The following POLG variants were observed in gnomAD, a reference collection of about 807,000 sequenced individuals.
POLG encodes DNA polymerase gamma, catalytic subunit, also known as DNA polymerase subunit gamma-1.
A neutral mutation model predicts 155.4 loss-of-function variants in POLG; 110 were observed. That is an observed-to-expected ratio of 0.71 (90% CI 0.61 to 0.83). POLG has a LOEUF of 0.83. Among genes scored for constraint, POLG ranks in the 40% least tolerant of loss-of-function variants. The pLI is 0.00. For missense variants in POLG, 1,685 were observed against 1,627.5 expected (o/e 1.04, Z -0.61); for synonymous variants, 701 against 631.5 (o/e 1.11, Z -1.65).
chr15:89,318,785 A>G, intron 20 of POLG, 36 bp from the exon 21 acceptor site: 1 of 1,584,234 alleles, frequency 6.3e-7, no homozygotes, highest in Non-Finnish European at 8.7e-7. Context: ...GAAAGGGGCT[A>G]TGCTACATAC....
chr15:89,333,069 T>G (rs1432100719), intron 2 of POLG, 27 bp downstream of exon 2: 2 of 1,504,274 alleles, frequency 1.3e-6, no homozygotes, highest in Non-Finnish European at 1.8e-6. Flanking sequence ...CATGCCTGCT[T>G]ATGTCCCCAA....
At chr15:89,317,206 A>T in intron 22 of POLG, 170 bp downstream of exon 22, 1 of 654,924 alleles carries the variant, frequency 1.5e-6, no homozygotes, top group Non-Finnish European at 2.7e-6. Flanking sequence ...CTGAAACATC[A>T]TATCACATTC....
Position 89,333,552 on chromosome 15 carries a change from T to G in POLG, c.203A>C (p.Gln68Pro), listed in dbSNP as rs1171419088. ...GATGTCCAATGGGTTGTGCCGCAGC[T>G]GCCCGCCCTCCGAGGATAGCACTTG... Reference protein sequence around the residue: ...QPQVLSSEGGQLRHNPLDIQM... With the variant: ...QPQVLSSEGGPLRHNPLDIQM... Residue 68 changes from glutamine (Q) to proline (P), a missense_variant, in exon 2 of 23, where the codon CAG (glutamine) becomes CCG (proline). Around this residue, in one of 3 missense-constraint regions of POLG, gnomAD observed 1,210 missense variants for 1,167.1 expected, o/e 1.04. Coordinates refer to ENST00000268124, the MANE Select transcript of POLG (RefSeq NM_002693.3). 1 of 1,612,178 alleles carries G rather than the reference T, an allele frequency of 6.2e-7. No individual in the cohort carries two copies. Among genetic ancestry groups the G allele is most frequent in the Non-Finnish European group, 8.5e-7 (1 of 1,179,380 alleles).
Position 89,322,088 on chromosome 15 carries a change from C to T in POLG, c.2427-73G>A. On this transcript the variant is annotated intron_variant, in intron 14 of 22. Transcript: ENST00000268124. ...ATCTATCCCACATCCCACCATGGCC[C>T]TCACCTGCCCACCTCCAGGACTGCT... is the stretch of plus-strand genomic sequence containing the variant. 1.3e-5 allele frequency: 18 copies of T among 1,370,326 alleles called. No homozygotes were observed. In the South Asian group the frequency reaches 1.9e-4, roughly 14 times the overall value. 84.9% of individuals were successfully genotyped at this position (1,370,326 alleles called of 1,614,324 possible).
At position 89,320,650 on chromosome 15, in the gene POLG, G is replaced by A. The variant is rs3176214; in HGVS notation, c.2981+116C>T. 11,313 of 1,167,048 alleles carry A rather than the reference G, an allele frequency of 9.7e-3. 413 individuals are homozygous for A. In the African/African-American group the frequency reaches 0.1, roughly 11 times the overall value. 72.3% of individuals were successfully genotyped at this position (1,167,048 alleles called of 1,614,324 possible). A position where few individuals can be genotyped will look rare whatever the true frequency, so the allele number is the denominator to read the frequency against. On this transcript the variant is annotated intron_variant, in intron 18 of 22. Transcript: ENST00000268124. ...CAGGTTACACAGGTGTGGAAGGAGA[G>A]GGGCTAGGTGAGAGTTCAAGTAATG... is the stretch of plus-strand genomic sequence containing the variant.
At chr15:89,331,109 C>T (rs1567193180) in intron 2 of POLG, among the ~76,000 whole-genome samples, 1 of 151,338 alleles carries the variant, frequency 6.6e-6, no homozygotes, top group Admixed American at 6.6e-5. Context: ...GTGGACAACA[C>T]AGCTGCGAAG....
intron 18 of POLG, among the ~76,000 whole-genome samples, chr15:89,320,048 C>A (rs3176221): frequency 1.3e-5 from 2 of 152,226 alleles, no homozygotes; most frequent in East Asian, 1.9e-4. Context: ...GAGCCTTACC[C>A]GACCTCACTT....
At position 89,316,833 on chromosome 15, in the gene POLG, A is replaced by AGAT. The variant is rs2055283412; in HGVS notation, c.3644-9_3644-7dup. ...GTAAATATCCAGCGCTTCACCTGAAAGATAGTGCAAATTGGTTAGGATGCC... is the reference window on the plus strand; with the variant it reads ...GTAAATATCCAGCGCTTCACCTGAAAGATGATAGTGCAAATTGGTTAGGATGCC... On this transcript the variant is annotated splice_polypyrimidine_tract_variant and splice_region_variant and intron_variant, in intron 22 of 22. Transcript: ENST00000268124. The AGAT allele has an allele frequency of 6.2e-7, 1 of 1,610,730 alleles. No individual in the cohort carries two copies. Among genetic ancestry groups the AGAT allele is most frequent in the African/African-American group, 1.3e-5 (1 of 74,822 alleles).
At position 89,325,276 on chromosome 15, in the gene POLG, G is replaced by A. The variant is rs1218932520; in HGVS notation, c.1949+174C>T. Among the ~76,000 whole-genome samples the A allele has an allele frequency of 3.7e-5, 4 of 109,286 alleles. 2 individuals are homozygous for A. Among genetic ancestry groups the A allele is most frequent in the African/African-American group, 1.7e-4 (4 of 22,944 alleles). The allele number at this position is 109,286 out of a possible 152,430, so 71.7% of individuals were successfully genotyped here. ...AGAGAGAGTGAGTGAGTGAGTGAGA[G>A]AGAGAGAAAGAGAGAGAGAGAGGGT... On this transcript the variant is annotated intron_variant, in intron 10 of 22. Transcript: ENST00000268124.
At position 89,319,237 on chromosome 15, in the gene POLG, G is replaced by A. The variant is rs747482927; in HGVS notation, c.3095C>T (p.Thr1032Ile). Reference sequence around the variant, plus strand: ...CAAAGAAGGTTCTTACTTCCTTGCAGTTTCTCTCTGGACCTTGCGCAGATC... The same window carrying A: ...CAAAGAAGGTTCTTACTTCCTTGCAATTTCTCTCTGGACCTTGCGCAGATC... ...LQDLRKVQRE[T>I]ARKSQWKKWE... The change falls in exon 19 of 23, where the codon ACT becomes ATT. Residue 1032 changes from threonine (T) to isoleucine (I), a missense_variant. Thr to Ile is a moderately conservative substitution (Grantham distance 89). This residue lies in a region of POLG where 470 missense variants were observed against 439.9 expected (regional missense o/e 1.07). Coordinates refer to ENST00000268124, the MANE Select transcript of POLG (RefSeq NM_002693.3). The A allele has an allele frequency of 6.2e-7, 1 of 1,614,142 alleles. No individual in the cohort carries two copies. Among genetic ancestry groups the A allele is most frequent in the Non-Finnish European group, 8.5e-7 (1 of 1,180,030 alleles).
chr15:89,326,362 G>A (rs1265397797), intron 9 of POLG, among the ~76,000 whole-genome samples: 1 of 152,254 alleles, frequency 6.6e-6, no homozygotes, highest in African/African-American at 2.4e-5. Flanking sequence ...CTATGCTCCA[G>A]TGTGTACACC....
chr15:89,325,205 A>AGT (rs1295527138), intron 10 of POLG, among the ~76,000 whole-genome samples: 18 of 69,322 alleles, frequency 2.6e-4, no homozygotes, highest in African/African-American at 9.0e-4. Context: ...AGAGTGAGTG[A>AGT]GAGAGTGAGT....
At position 89,326,938 on chromosome 15, in the gene POLG, G is replaced by A. The variant is rs763550865; in HGVS notation, c.1559C>T (p.Ala520Val). ...TTCCTGATCCATGGGATCACCAGGG[G>A]CCCCAGCCCCCTCGATGGGCAACTT... ...ASKLPIEGAG[A>V]PGDPMDQEDL... The change falls in exon 8 of 23, where the codon GCC (alanine) becomes GTC (valine). Residue 520 changes from alanine to valine, a missense_variant. Ala to Val is a moderately conservative substitution (Grantham distance 64). This residue lies in a region of POLG where 1,210 missense variants were observed against 1,167.1 expected (regional missense o/e 1.04). Coordinates refer to ENST00000268124, the MANE Select transcript of POLG (RefSeq NM_002693.3). The A allele has an allele frequency of 6.2e-7, 1 of 1,614,108 alleles. No homozygotes were observed. The highest frequency in any genetic ancestry group is 2.2e-5 in the East Asian group (1 of 44,876).
intron 18 of POLG, among the ~76,000 whole-genome samples, chr15:89,320,000 C>A (rs2055370652): frequency 6.6e-6 from 1 of 152,234 alleles, no homozygotes; most frequent in African/African-American, 2.4e-5. Context: ...AGCCCCACCA[C>A]CTTTCTCGCC....
At chr15:89,327,091 C>T in intron 7 of POLG, 28 bp from the exon 8 acceptor site, 1 of 1,614,234 alleles carries the variant, frequency 6.2e-7, no homozygotes, top group Non-Finnish European at 8.5e-7. Context: ...TAGGGCAGGG[C>T]TAAGGCTAAG....
intron 1 of POLG, chr15:89,334,114 C>T (rs2055638286): frequency 2.7e-6 from 1 of 367,278 alleles, no homozygotes; most frequent in Admixed American, 4.5e-5. Flanking sequence ...GTCAGTGAAC[C>T]CACGTGGGGA....
chr15:89,320,965 C>T lies in POLG; in HGVS notation c.2782G>A (p.Gly928Ser), dbSNP rs759944038. 3.2e-6 allele frequency: 5 copies of T among 1,577,684 alleles called. No homozygotes were observed. The highest frequency in any genetic ancestry group is 4.3e-6 in the Non-Finnish European group (5 of 1,161,146). The change falls in exon 18 of 23, where the codon GGC becomes AGC. Residue 928 changes from glycine (G) to serine (S), a missense_variant. By Grantham distance (56) the Gly-to-Ser change is moderately conservative. Coordinates refer to ENST00000268124, the MANE Select transcript of POLG (RefSeq NM_002693.3). Reference sequence around the variant, plus strand: ...GCTGTCTTACTGTGTAGATCAGTGCCCCTGCTCTTCCTGCCCTGCAGTGTC... The same window carrying T: ...GCTGTCTTACTGTGTAGATCAGTGCTCCTGCTCTTCCTGCCCTGCAGTGTC... Reference protein sequence around the residue: ...WMTLQGRKSRGTDLHSKTATT... With the variant: ...WMTLQGRKSRSTDLHSKTATT...
At chr15:89,332,608 G>A (rs1209436707) in intron 2 of POLG, among the ~76,000 whole-genome samples, 1 of 150,134 alleles carries the variant, frequency 6.7e-6, no homozygotes, top group Non-Finnish European at 1.5e-5. Flanking sequence ...GCGGGGGCAG[G>A]GGGGCGGGGG....
Position 89,327,306 on chromosome 15 carries a change from C to T in POLG, c.1294G>A (p.Val432Ile). Residue 432 changes from valine to isoleucine, a missense_variant, in exon 7 of 23, where the codon GTC (valine) becomes ATC (isoleucine). Physicochemically the swap from Val to Ile is conservative, Grantham distance 29. This residue lies in a region of POLG where 1,210 missense variants were observed against 1,167.1 expected (regional missense o/e 1.04). Transcript: ENST00000268124. ...VTLAGMLEMG[V>I]SYLPVNQNWE... The stretch of plus-strand genomic sequence containing the variant: ...TTCTGGTTGACAGGCAGGTAGGAGA[C>T]ACCCATCTCCAGCATGCCGGCCAGA... The T allele has an allele frequency of 6.2e-7, 1 of 1,614,050 alleles. No homozygotes were observed. Among genetic ancestry groups the T allele is most frequent in the East Asian group, 2.2e-5 (1 of 44,884 alleles).
Sources: allele counts gnomAD v4.1 joint callset (sites outside exome capture counted in the v4.1 genomes callset), GRCh38; gene constraint gnomAD v4.1.1; regional missense constraint gnomAD v4.1.1; transcripts MANE v1.5; gene names NCBI Gene and HGNC (gene_info 2026-07-23, HGNC 2026-07-21).